METTL24: variants seen among roughly 807,000 people sequenced by gnomAD.
METTL24 encodes the protein probable methyltransferase-like protein 24.
In METTL24, 29 loss-of-function variants were observed where a neutral mutation model predicts 32.7. That is an observed-to-expected ratio of 0.89 (90% CI 0.66 to 1.21). METTL24 has a LOEUF of 1.21. Among genes scored for constraint, METTL24 ranks in the 50% most tolerant of loss-of-function variants. The pLI is 0.00. For missense variants in METTL24, 439 were observed against 468.1 expected, an observed-to-expected ratio of 0.94 and a Z score of 0.57; for synonymous variants, 163 against 179.5, an observed-to-expected ratio of 0.91 and a Z score of 0.73.
At chr6:110,326,206 G>C (rs2114757587) in intron 1 of METTL24, among the ~76,000 whole-genome samples, 1 of 152,320 alleles carries the variant, frequency 6.6e-6, no homozygotes, top group African/African-American at 2.4e-5. Flanking sequence ...CCAGGAGGAA[G>C]AAACACTACA....
intron 4 of METTL24, among the ~76,000 whole-genome samples, chr6:110,252,235 G>T (rs1480011168): frequency 1.3e-5 from 2 of 152,156 alleles, no homozygotes; most frequent in Non-Finnish European, 2.9e-5. Flanking sequence ...AAGCAGATCG[G>T]GTGGTTTAAA....
At chr6:110,312,879 G>C (rs1213960607) in intron 3 of METTL24, among the ~76,000 whole-genome samples, 1 of 152,220 alleles carries the variant, frequency 6.6e-6, no homozygotes, top group African/African-American at 2.4e-5. Flanking sequence ...GAAAATGAAA[G>C]TACACTCCAC....
intron 2 of METTL24, among the ~76,000 whole-genome samples, chr6:110,318,456 T>C (rs967312021): frequency 5.3e-5 from 8 of 151,912 alleles, no homozygotes; most frequent in Non-Finnish European, 1.2e-4. Context: ...GAGACCAGCC[T>C]GGCCAGCATG....
chr6:110,289,030 G>A (rs778347561), intron 4 of METTL24, among the ~76,000 whole-genome samples: 23 of 152,178 alleles, frequency 1.5e-4, no homozygotes, highest in Admixed American at 6.5e-4. Flanking sequence ...ACCTCTGATG[G>A]TTCAGTGTCT....
chr6:110,298,113 C>G (rs111775467), intron 4 of METTL24, among the ~76,000 whole-genome samples: 5 of 152,308 alleles, frequency 3.3e-5, no homozygotes, highest in African/African-American at 9.6e-5. Flanking sequence ...CACACTGTTT[C>G]TCAAACAGAA....
At chr6:110,296,211 A>G (rs1771416017) in intron 4 of METTL24, among the ~76,000 whole-genome samples, 1 of 152,232 alleles carries the variant, frequency 6.6e-6, no homozygotes, top group Admixed American at 6.5e-5. Context: ...CGGATCATTG[A>G]GGATACTCTG....
chr6:110,287,275 C>A (rs1308470293), intron 4 of METTL24, among the ~76,000 whole-genome samples: 3 of 152,180 alleles, frequency 2.0e-5, no homozygotes, highest in African/African-American at 7.2e-5. Flanking sequence ...GTTCTTGACT[C>A]ATTTTCCCAA....
rs563852935 is a variant in METTL24, at chr6:110,354,294, T to C, written c.318+3661A>G. ...GACTACACTTCACTACTCTTTTTTA[T>C]AGCAGATTGTTTTCTTTAAGAGGAG... is the stretch of plus-strand genomic sequence containing the variant. On this transcript the variant is annotated intron_variant, in intron 1 of 4. Transcript: ENST00000338882. Among the ~76,000 whole-genome samples the C allele has an allele frequency of 3.0e-4, 45 of 152,370 alleles. No individual in the cohort carries two copies. The East Asian group carries it at 7.7e-3, about 26-fold the overall frequency.
intron 3 of METTL24, among the ~76,000 whole-genome samples, chr6:110,306,848 G>A (rs1218803404): frequency 6.6e-6 from 1 of 152,186 alleles, no homozygotes; most frequent in Admixed American, 6.5e-5. Flanking sequence ...TCCAGAGCAC[G>A]TGCTCTCTAT....
rs1319296866 is a variant in METTL24 at position 110,358,310 on chromosome 6, G to A, written c.-38C>T. The A allele has an allele frequency of 7.2e-6, 10 of 1,392,632 alleles. No homozygotes were observed. Among genetic ancestry groups the A allele is most frequent in the East Asian group, 3.1e-5 (1 of 32,610 alleles). The allele number at this position is 1,392,632 out of a possible 1,614,324, so 86.3% of individuals were successfully genotyped here. On this transcript the variant is annotated 5_prime_UTR_variant, in exon 1 of 5. Coordinates refer to ENST00000338882, the MANE Select transcript of METTL24 (RefSeq NM_001123364.3). ...GGGGTCCCGCGGGCCGCGCCTGGCC[G>A]GCAGCAGGGATGTAGCCCCACAGGC...
rs151049527 is a variant in METTL24, at chr6:110,349,742, T to C, written c.318+8213A>G. On this transcript the variant is annotated intron_variant, in intron 1 of 4. Transcript: ENST00000338882. ...CTGTATTAAATAGACCTAAGCAAAA[T>C]TGAAAAGGAAAAGTTACAGTTGTAA... 9.7e-4 allele frequency among the ~76,000 whole-genome samples: 147 copies of C among 152,300 alleles called. 2 individuals carry two copies. The highest frequency in any genetic ancestry group is 3.3e-3 in the African/African-American group (138 of 41,560).
At chr6:110,275,537 T>C (rs1183294695) in intron 4 of METTL24, among the ~76,000 whole-genome samples, 13 of 152,258 alleles carry the variant, frequency 8.5e-5, no homozygotes, top group African/African-American at 3.1e-4. Context: ...AAGCTACCTC[T>C]CTTCTGCTTC....
intron 3 of METTL24, 127 bp downstream of exon 3, chr6:110,315,215 G>T: frequency 9.2e-7 from 1 of 1,091,642 alleles, no homozygotes; most frequent in Non-Finnish European, 1.3e-6. Context: ...AGTCTGAAAT[G>T]ATGACAGGAG....
intron 4 of METTL24, among the ~76,000 whole-genome samples, chr6:110,262,233 A>G (rs1445359186): frequency 3.9e-5 from 6 of 152,140 alleles, no homozygotes; most frequent in African/African-American, 9.7e-5. Flanking sequence ...GATTAATAAA[A>G]AAGAAAAGAG....
rs62435951 is a variant in METTL24, at chr6:110,358,210, A to G, written c.63T>C (p.Ala21=). ...CGVLRRCLLG[A]VLLFGLRLCA... is the part of the protein sequence containing the mutation. Reference sequence around the variant, plus strand: ...AGAGCCGCAGGCCGAACAACAGCACAGCCCCGAGTAGACACCGGCGCAGGA... The same window carrying G: ...AGAGCCGCAGGCCGAACAACAGCACGGCCCCGAGTAGACACCGGCGCAGGA... Residue 21 remains alanine (A), a synonymous_variant, in exon 1 of 5, where the codon GCT becomes GCC. Coordinates refer to ENST00000338882, the MANE Select transcript of METTL24 (RefSeq NM_001123364.3). 917,498 of 1,468,382 alleles carry G rather than the reference A, an allele frequency of 0.62. 289,620 individuals are homozygous for G. The highest frequency in any genetic ancestry group is 0.65 in the Non-Finnish European group (724,937 of 1,116,900). 91.0% of individuals were successfully genotyped at this position (1,468,382 alleles called of 1,614,324 possible).
chr6:110,353,547 CTTT>C (rs75803780), intron 1 of METTL24, among the ~76,000 whole-genome samples: 1 of 104,062 alleles, frequency 9.6e-6, no homozygotes, highest in Non-Finnish European at 2.1e-5. Context: ...GGAAACAGTT[CTTT>C]TTTTTTTTTT....
At chr6:110,247,150 A>C (rs1205513115) in intron 4 of METTL24, among the ~76,000 whole-genome samples, 1 of 152,184 alleles carries the variant, frequency 6.6e-6, no homozygotes, top group Non-Finnish European at 1.5e-5. Context: ...ATGAAAGCTC[A>C]TTTTTACCAA....
intron 3 of METTL24, among the ~76,000 whole-genome samples, chr6:110,308,628 T>G (rs1005443503): frequency 1.3e-5 from 2 of 152,088 alleles, no homozygotes; most frequent in African/African-American, 2.4e-5. Flanking sequence ...ACATAAAAAC[T>G]TGTACAGGAA....
At chr6:110,353,542 C>T (rs1010424130) in intron 1 of METTL24, among the ~76,000 whole-genome samples, 3 of 145,216 alleles carry the variant, frequency 2.1e-5, no homozygotes, top group African/African-American at 7.6e-5. Context: ...GAAGAGGAAA[C>T]AGTTCTTTTT....
Sources: allele counts gnomAD v4.1 joint callset (sites outside exome capture counted in the v4.1 genomes callset), GRCh38; gene constraint gnomAD v4.1.1; transcripts MANE v1.5; gene names NCBI Gene and HGNC (gene_info 2026-07-23, HGNC 2026-07-21).